The following CDKAL1 variants were observed in gnomAD, a reference collection of about 807,000 sequenced individuals.
CDKAL1 encodes the protein CDKAL1 threonylcarbamoyladenosine tRNA methylthiotransferase, also known as threonylcarbamoyladenosine tRNA methylthiotransferase.
CDKAL1 carries 32 observed loss-of-function variants against 68.2 expected under a neutral mutation model. The observed-to-expected ratio is 0.47, with a 90% confidence interval of 0.35 to 0.63. The LOEUF (loss-of-function observed/expected upper bound fraction) is 0.63. Among genes scored for constraint, CDKAL1 ranks in the 30% least tolerant of loss-of-function variants. CDKAL1 has a pLI of 0.00. For missense variants in CDKAL1, 606 were observed against 696.7 expected (o/e 0.87, Z 1.47); for synonymous variants, 234 against 244.3 (o/e 0.96, Z 0.39).
At chr6:20,936,542 GC>G in intron 9 of CDKAL1, among the ~76,000 whole-genome samples, 1 of 151,818 alleles carries the variant, frequency 6.6e-6, no homozygotes, top group South Asian at 2.1e-4. Context: ...GAGCCACCGC[GC>G]CCGGCCCATT....
At chr6:21,113,471 A>T (rs2150998013) in intron 13 of CDKAL1, among the ~76,000 whole-genome samples, 1 of 151,842 alleles carries the variant, frequency 6.6e-6, no homozygotes, top group South Asian at 2.1e-4. Context: ...CATAGCAAGA[A>T]CCCATCTCTA....
In CDKAL1 at chr6:20,825,383, T is replaced by C. The variant is rs147863303; in HGVS notation, c.639-20692T>C. Among the ~76,000 whole-genome samples, 5 of 152,260 alleles carry C rather than the reference T, an allele frequency of 3.3e-5. No homozygotes were observed. In the East Asian group the frequency reaches 7.7e-4, roughly 23 times the overall value. On this transcript the variant is annotated intron_variant, in intron 8 of 15. Transcript: ENST00000274695. ...TTGAGACTGCAGGGTTCTTAGGGGT[T>C]AGAAGTGAGAAGATAGGCAGATAAG...
chr6:20,672,921 C>T (rs1232435935), intron 5 of CDKAL1, among the ~76,000 whole-genome samples: 2 of 151,972 alleles, frequency 1.3e-5, no homozygotes, highest in African/African-American at 2.4e-5. Context: ...GGATTACAGG[C>T]GCGAGCTACC....
intron 9 of CDKAL1, among the ~76,000 whole-genome samples, chr6:20,880,546 C>T (rs887562538): frequency 2.6e-5 from 4 of 152,054 alleles, no homozygotes; most frequent in African/African-American, 4.8e-5. Context: ...TGAGCCACCG[C>T]GCCTGGCCAA....
intron 10 of CDKAL1, among the ~76,000 whole-genome samples, chr6:20,962,094 A>G (rs1237653876): frequency 2.0e-5 from 3 of 152,226 alleles, no homozygotes; most frequent in African/African-American, 4.8e-5. Flanking sequence ...AGTGCTTATT[A>G]AGGACTATTC....
At chr6:20,563,837 T>C (rs1218501518) in intron 4 of CDKAL1, among the ~76,000 whole-genome samples, 1 of 152,226 alleles carries the variant, frequency 6.6e-6, no homozygotes, top group African/African-American at 2.4e-5. Context: ...AAACGATTTT[T>C]ACAGAATCTT....
chr6:20,826,096 C>G (rs1468569177), intron 8 of CDKAL1, among the ~76,000 whole-genome samples: 1 of 151,962 alleles, frequency 6.6e-6, no homozygotes, highest in Non-Finnish European at 1.5e-5. Flanking sequence ...ATCTTTAGTC[C>G]AAGTACAGCT....
At chr6:20,698,254 A>G (rs549978752) in intron 5 of CDKAL1, among the ~76,000 whole-genome samples, 2 of 152,336 alleles carry the variant, frequency 1.3e-5, no homozygotes, top group Non-Finnish European at 2.9e-5. Context: ...TTTTAGAATA[A>G]TCTTCAACTT....
intron 2 of CDKAL1, 131 bp from the exon 3 acceptor site, chr6:20,546,215 G>A (rs1189854051): frequency 3.1e-6 from 2 of 640,952 alleles, no homozygotes; most frequent in East Asian, 2.6e-5. Flanking sequence ...TTTATCTCTT[G>A]TATTTTCTAT....
intron 9 of CDKAL1, among the ~76,000 whole-genome samples, chr6:20,893,625 A>G (rs1350169500): frequency 6.6e-6 from 1 of 152,236 alleles, no homozygotes; most frequent in Non-Finnish European, 1.5e-5. Flanking sequence ...CAGTGGTTAC[A>G]TACTTCTGTA....
intron 7 of CDKAL1, among the ~76,000 whole-genome samples, chr6:20,777,694 T>G (rs1409940004): frequency 6.6e-6 from 1 of 151,902 alleles, no homozygotes; most frequent in Non-Finnish European, 1.5e-5. Flanking sequence ...TTTACATGAG[T>G]CTCCCCTTAA....
At chr6:20,719,200 C>T (rs1772231635) in intron 5 of CDKAL1, among the ~76,000 whole-genome samples, 2 of 152,186 alleles carry the variant, frequency 1.3e-5, no homozygotes, top group African/African-American at 4.8e-5. Context: ...GGAGGATGGG[C>T]AGATGAGTTC....
At chr6:20,893,198 T>A (rs1357049287) in intron 9 of CDKAL1, among the ~76,000 whole-genome samples, 3 of 152,186 alleles carry the variant, frequency 2.0e-5, no homozygotes, top group Non-Finnish European at 4.4e-5. Context: ...ATCTTAATAA[T>A]GTACTAATTC....
chr6:21,044,631 A>T (rs1027394961), intron 11 of CDKAL1, among the ~76,000 whole-genome samples: 3 of 152,266 alleles, frequency 2.0e-5, no homozygotes, highest in African/African-American at 7.2e-5. Context: ...TAGTATTTAT[A>T]GTTAATAAAT....
At chr6:21,134,633 C>T (rs1291054793) in intron 13 of CDKAL1, among the ~76,000 whole-genome samples, 1 of 152,016 alleles carries the variant, frequency 6.6e-6, no homozygotes, top group Non-Finnish European at 1.5e-5. Flanking sequence ...GCATGGGAAA[C>T]AAGGCAAATG....
At chr6:20,680,778 T>A (rs867179890) in intron 5 of CDKAL1, among the ~76,000 whole-genome samples, 3 of 152,242 alleles carry the variant, frequency 2.0e-5, no homozygotes, top group African/African-American at 7.2e-5. Context: ...TTTCGGGTCA[T>A]GCCTTGAGTC....
intron 13 of CDKAL1, among the ~76,000 whole-genome samples, chr6:21,193,922 A>G (rs1476479424): frequency 6.6e-6 from 1 of 152,242 alleles, no homozygotes; most frequent in African/African-American, 2.4e-5. Context: ...TGGATAATTT[A>G]TAAGGAAAAG....
At chr6:20,801,496 C>CT (rs1329687353) in intron 8 of CDKAL1, among the ~76,000 whole-genome samples, 1 of 125,000 alleles carries the variant, frequency 8.0e-6, no homozygotes, top group African/African-American at 2.8e-5. Flanking sequence ...ATCAGTCCAA[C>CT]TTATTTTTTT....
chr6:21,160,796 A>C (rs1233851143), intron 13 of CDKAL1, among the ~76,000 whole-genome samples: 2 of 151,072 alleles, frequency 1.3e-5, no homozygotes, highest in Non-Finnish European at 2.9e-5. Context: ...GGTTTGCTGC[A>C]CCTGTCAACC....
Sources: allele counts gnomAD v4.1 joint callset (sites outside exome capture counted in the v4.1 genomes callset), GRCh38; gene constraint gnomAD v4.1.1; transcripts MANE v1.5; gene names NCBI Gene and HGNC (gene_info 2026-07-23, HGNC 2026-07-21).